The following ANK3 variants were observed in gnomAD, a reference collection of about 807,000 sequenced individuals.
The protein encoded by ANK3 is ankyrin-3.
A neutral mutation model predicts 370.9 loss-of-function variants in ANK3; 57 were observed. The observed-to-expected ratio is 0.15, with a 90% confidence interval of 0.12 to 0.19. The LOEUF (loss-of-function observed/expected upper bound fraction) is 0.19, where lower values mean the gene tolerates loss of function less well. Among genes scored for constraint, ANK3 ranks in the 10% least tolerant of loss-of-function variants. The pLI is 1.00. For synonymous variants in ANK3, 1,929 were observed against 1,946.3 expected, an observed-to-expected ratio of 0.99 and a Z score of 0.23; for missense variants, 4,439 against 5,302.1, an observed-to-expected ratio of 0.84 and a Z score of 5.06.
intron 2 of ANK3, among the ~76,000 whole-genome samples, chr10:60,546,511 A>G (rs1217946196): frequency 1.3e-5 from 2 of 152,188 alleles, no homozygotes; most frequent in Non-Finnish European, 2.9e-5. Flanking sequence ...ATTTAAGGTA[A>G]ATACTAGGAG....
intron 2 of ANK3, among the ~76,000 whole-genome samples, chr10:60,503,341 A>G (rs900650617): frequency 1.3e-5 from 2 of 152,216 alleles, no homozygotes; most frequent in African/African-American, 4.8e-5. Flanking sequence ...AAAACAGTAG[A>G]GGTGACATTT....
chr10:60,502,385 C>A (rs1023579062), intron 2 of ANK3, among the ~76,000 whole-genome samples: 7 of 152,196 alleles, frequency 4.6e-5, no homozygotes, highest in Non-Finnish European at 1.0e-4. Context: ...CTGGACAGAC[C>A]TGAGTTATAT....
chr10:60,338,652 C>G (rs1337751787), intron 1 of ANK3, among the ~76,000 whole-genome samples: 1 of 152,156 alleles, frequency 6.6e-6, no homozygotes, highest in Non-Finnish European at 1.5e-5. Flanking sequence ...CCCAATTCAT[C>G]ATCTCCCATG....
At chr10:60,160,169 A>G (rs897169460) in intron 23 of ANK3, among the ~76,000 whole-genome samples, 1 of 63,952 alleles carries the variant, frequency 1.6e-5, no homozygotes, top group Non-Finnish European at 2.7e-5. Context: ...AACCAGACTA[A>G]CTAAAAAAGA....
intron 25 of ANK3, among the ~76,000 whole-genome samples, chr10:60,123,623 G>A (rs942063686): frequency 6.6e-6 from 1 of 152,222 alleles, no homozygotes; most frequent in Non-Finnish European, 1.5e-5. Flanking sequence ...AACCCTGCAA[G>A]TTTCCTTATC....
At chr10:60,512,949 T>C (rs2076125319) in intron 2 of ANK3, among the ~76,000 whole-genome samples, 1 of 152,122 alleles carries the variant, frequency 6.6e-6, no homozygotes, top group Non-Finnish European at 1.5e-5. Context: ...ACGTGATTCA[T>C]ATTTATTTTC....
intron 2 of ANK3, among the ~76,000 whole-genome samples, chr10:60,491,026 A>T (rs1260602899): frequency 6.6e-6 from 1 of 152,226 alleles, no homozygotes; most frequent in Non-Finnish European, 1.5e-5. Flanking sequence ...AAATGGAATC[A>T]TATATTATAT....
chr10:60,621,830 A>C (rs967576847), intron 1 of ANK3, among the ~76,000 whole-genome samples: 1 of 152,182 alleles, frequency 6.6e-6, no homozygotes, highest in African/African-American at 2.4e-5. Context: ...TACTCAGCTG[A>C]TAATATAGTG....
intron 2 of ANK3, among the ~76,000 whole-genome samples, chr10:60,506,303 G>T (rs1567101775): frequency 6.6e-6 from 1 of 152,014 alleles, no homozygotes; most frequent in Non-Finnish European, 1.5e-5. Context: ...CTATGCAAAT[G>T]ACACATAATG....
intron 2 of ANK3, among the ~76,000 whole-genome samples, chr10:60,595,338 G>T (rs2077972313): frequency 6.6e-6 from 1 of 152,118 alleles, no homozygotes; most frequent in Non-Finnish European, 1.5e-5. Context: ...TTGAAAGAGA[G>T]TTTGGCAGGC....
chr10:60,452,031 C>T (rs1470753628), intron 2 of ANK3, among the ~76,000 whole-genome samples: 1 of 152,210 alleles, frequency 6.6e-6, no homozygotes, highest in Non-Finnish European at 1.5e-5. Flanking sequence ...TGCTGAAGTA[C>T]TTCACCTTCT....
chr10:60,710,983 G>T (rs912119737), intron 1 of ANK3, among the ~76,000 whole-genome samples: 5 of 152,224 alleles, frequency 3.3e-5, no homozygotes, highest in Admixed American at 3.3e-4. Flanking sequence ...GGGAGGGCCA[G>T]CTACTTTACT....
At chr10:60,148,215 A>G (rs1208147318) in intron 23 of ANK3, among the ~76,000 whole-genome samples, 1 of 152,086 alleles carries the variant, frequency 6.6e-6, no homozygotes, top group African/African-American at 2.4e-5. Context: ...CACAGAACAA[A>G]TGACCCTGCT....
At chr10:60,471,840 G>T (rs1313424218) in intron 2 of ANK3, among the ~76,000 whole-genome samples, 2 of 152,014 alleles carry the variant, frequency 1.3e-5, no homozygotes, top group Admixed American at 1.3e-4. Flanking sequence ...AAGCTGAGAT[G>T]AAAATGTGCT....
At chr10:60,186,683 C>T in intron 17 of ANK3, 32 bp downstream of exon 17, 1 of 1,608,554 alleles carries the variant, frequency 6.2e-7, no homozygotes, top group Non-Finnish European at 8.5e-7. Context: ...TTTTGGTGTG[C>T]TGCATGCTTT....
intron 2 of ANK3, among the ~76,000 whole-genome samples, chr10:60,571,367 C>A (rs2077595052): frequency 6.6e-6 from 1 of 152,148 alleles, no homozygotes; most frequent in Non-Finnish European, 1.5e-5. Flanking sequence ...TAATAATAAA[C>A]AGATTATGAA....
At position 60,544,147 on chromosome 10, in the gene ANK3, C is replaced by T. The variant is rs113612765; in HGVS notation, c.96+71039G>A. ...AATGTACTGTATAGAAAACACCGTC[C>T]AGAAGGCAACCCAGAGAAGGGGGCA... On this transcript the variant is annotated intron_variant, in intron 2 of 43. Coordinates refer to the ANK3 transcript ENST00000373827. Among the ~76,000 whole-genome samples, 92 of 152,118 alleles carry T rather than the reference C, an allele frequency of 6.0e-4. 1 individual carries two copies. The highest frequency in any genetic ancestry group is 2.0e-3 in the African/African-American group (83 of 41,518).
Position 60,071,837 on chromosome 10 carries a change from T to C in ANK3, c.9044A>G (p.Glu3015Gly). 6.2e-7 allele frequency: 1 copy of C among 1,613,140 alleles called. No individual in the cohort carries two copies. The highest frequency in any genetic ancestry group is 2.2e-5 in the East Asian group (1 of 44,866). ...GCTGATTTCTGAATAGGTAACTTTT[T>C]CATCTTCTATAGAATTAAAGTGCTG... Reference protein sequence around the residue: ...ETQHFNSIEDEKVTYSEISKV... With the variant: ...ETQHFNSIEDGKVTYSEISKV... Residue 3015 changes from glutamate to glycine, a missense_variant, in exon 37 of 44, where the codon GAA (glutamate) becomes GGA (glycine). Glu to Gly is a moderately conservative substitution (Grantham distance 98). This residue lies in a region of ANK3 where 1,601 missense variants were observed against 1,731.7 expected (regional missense o/e 0.92). Coordinates refer to ENST00000280772, the MANE Select transcript of ANK3 (RefSeq NM_020987.5).
intron 1 of ANK3, among the ~76,000 whole-genome samples, chr10:60,617,653 T>C (rs1338288923): frequency 2.0e-5 from 3 of 152,204 alleles, no homozygotes; most frequent in Non-Finnish European, 4.4e-5. Context: ...CTTCCTCTGA[T>C]CCATCTGTCA....
Sources: allele counts gnomAD v4.1 joint callset (sites outside exome capture counted in the v4.1 genomes callset), GRCh38; gene constraint gnomAD v4.1.1; regional missense constraint gnomAD v4.1.1; transcripts MANE v1.5; gene names NCBI Gene and HGNC (gene_info 2026-07-23, HGNC 2026-07-21).